Variants in MAGI2 observed in about 807,000 individuals in gnomAD.
MAGI2 encodes membrane-associated guanylate kinase, WW and PDZ domain-containing protein 2.
A neutral mutation model predicts 133.3 loss-of-function variants in MAGI2; 35 were observed. That is an observed-to-expected ratio of 0.26 (90% CI 0.20 to 0.35). The LOEUF (loss-of-function observed/expected upper bound fraction) is 0.35. MAGI2 is among the 10% of genes least tolerant of loss of function. MAGI2 has a pLI of 1.00. For missense variants in MAGI2, 1,636 were observed against 1,863.4 expected (o/e 0.88, Z 2.25); for synonymous variants, 729 against 710.6 (o/e 1.03, Z -0.41).
At chr7:79,231,721 C>T (rs1283841402) in intron 1 of MAGI2, among the ~76,000 whole-genome samples, 3 of 135,844 alleles carry the variant, frequency 2.2e-5, no homozygotes, top group Non-Finnish European at 4.9e-5. Context: ...TCTAGATATA[C>T]AATCATGTCG....
intron 9 of MAGI2, among the ~76,000 whole-genome samples, chr7:78,264,237 TGAACCTA>T (rs980088766): frequency 6.6e-6 from 1 of 152,172 alleles, no homozygotes; most frequent in Non-Finnish European, 1.5e-5. Flanking sequence ...CATGGGAAAC[TGAACCTA>T]GAAGAAGTTA....
intron 2 of MAGI2, among the ~76,000 whole-genome samples, chr7:78,851,719 C>A (rs1269802111): frequency 6.6e-6 from 1 of 152,074 alleles, no homozygotes; most frequent in Non-Finnish European, 1.5e-5. Context: ...AATATTATGT[C>A]TGAGATCCAT....
chr7:78,191,613 G>T (rs1828221233), intron 12 of MAGI2, among the ~76,000 whole-genome samples: 1 of 152,106 alleles, frequency 6.6e-6, no homozygotes. Flanking sequence ...GCCACCTCTG[G>T]GCACTGAGCC....
At chr7:78,335,240 C>T (rs941357253) in intron 9 of MAGI2, among the ~76,000 whole-genome samples, 3 of 152,132 alleles carry the variant, frequency 2.0e-5, no homozygotes, top group Non-Finnish European at 4.4e-5. Flanking sequence ...CTCCACGGAA[C>T]CCCAGAAGGG....
intron 6 of MAGI2, among the ~76,000 whole-genome samples, chr7:78,397,305 A>G (rs1796434180): frequency 6.6e-6 from 1 of 151,802 alleles, no homozygotes; most frequent in Non-Finnish European, 1.5e-5. Context: ...CACTGGCGTC[A>G]AGGTGGCCAG....
chr7:78,865,334 T>G (rs998565665), intron 2 of MAGI2, among the ~76,000 whole-genome samples: 7 of 151,784 alleles, frequency 4.6e-5, no homozygotes, highest in African/African-American at 1.5e-4. Context: ...TTAAGAAGAG[T>G]GCTTTGTGAG....
chr7:79,331,594 A>G (rs569416261), intron 1 of MAGI2, among the ~76,000 whole-genome samples: 16 of 152,302 alleles, frequency 1.1e-4, no homozygotes, highest in South Asian at 2.1e-4. Context: ...CAAAATAGTC[A>G]TAACCATAAT....
At chr7:78,688,564 C>G (rs994563705) in intron 2 of MAGI2, among the ~76,000 whole-genome samples, 2 of 152,190 alleles carry the variant, frequency 1.3e-5, no homozygotes, top group Non-Finnish European at 2.9e-5. Flanking sequence ...GACCTTTTAT[C>G]TCTACTGAAA....
chr7:78,654,354 A>G (rs1273327295), intron 2 of MAGI2, among the ~76,000 whole-genome samples: 1 of 152,134 alleles, frequency 6.6e-6, no homozygotes, highest in Admixed American at 6.5e-5. Context: ...CACACAGTGA[A>G]TATTATTTAA....
At chr7:78,804,158 C>T (rs1199184810) in intron 2 of MAGI2, among the ~76,000 whole-genome samples, 1 of 152,270 alleles carries the variant, frequency 6.6e-6, no homozygotes, top group Admixed American at 6.5e-5. Context: ...CAGACAAGTA[C>T]TACGTTTTCC....
At chr7:78,740,367 G>T (rs1174372348) in intron 2 of MAGI2, among the ~76,000 whole-genome samples, 1 of 152,070 alleles carries the variant, frequency 6.6e-6, no homozygotes, top group Non-Finnish European at 1.5e-5. Context: ...AGCAAAGTAG[G>T]TTATCAGTAA....
chr7:78,978,669 G>T (rs1173264259), intron 2 of MAGI2, among the ~76,000 whole-genome samples: 1 of 151,820 alleles, frequency 6.6e-6, no homozygotes, highest in African/African-American at 2.4e-5. Flanking sequence ...TAGGTCAGAG[G>T]ATCATAGGAC....
chr7:78,863,322 T>C lies in MAGI2; in HGVS notation c.418+143768A>G, dbSNP rs575204584. 3.9e-5 allele frequency among the ~76,000 whole-genome samples: 6 copies of C among 152,326 alleles called. No individual in the cohort carries two copies. The South Asian group carries it at 1.2e-3, about 32-fold the overall frequency. ...AGGAGTTTATTTAGCTTATGACTTT[T>C]CTGGCTGAAAAATTGTGCATCTGGT... On this transcript the variant is annotated intron_variant, in intron 2 of 21. Transcript: ENST00000354212.
intron 1 of MAGI2, among the ~76,000 whole-genome samples, chr7:79,401,048 AT>A (rs1300712711): frequency 6.6e-6 from 1 of 152,130 alleles, no homozygotes; most frequent in Non-Finnish European, 1.5e-5. Flanking sequence ...ATCAGAGGAT[AT>A]TTTTATTATA....
chr7:78,590,054 A>G (rs750712633), intron 3 of MAGI2, among the ~76,000 whole-genome samples: 1 of 152,224 alleles, frequency 6.6e-6, no homozygotes, highest in Non-Finnish European at 1.5e-5. Flanking sequence ...CCCTAAAGCA[A>G]TGATGAACAA....
intron 1 of MAGI2, among the ~76,000 whole-genome samples, chr7:79,100,943 A>C (rs746753476): frequency 6.6e-6 from 1 of 151,980 alleles, no homozygotes; most frequent in African/African-American, 2.4e-5. Context: ...TCTTTTTCCT[A>C]CTGAGATAAA....
chr7:78,375,841 T>C (rs750989008), intron 6 of MAGI2, among the ~76,000 whole-genome samples: 4 of 152,168 alleles, frequency 2.6e-5, no homozygotes, highest in Non-Finnish European at 5.9e-5. Flanking sequence ...CTTTAGGAGT[T>C]TGAGGAATCC....
intron 6 of MAGI2, among the ~76,000 whole-genome samples, chr7:78,455,563 A>G (rs1408886405): frequency 2.0e-5 from 3 of 152,180 alleles, no homozygotes; most frequent in Non-Finnish European, 4.4e-5. Flanking sequence ...ACCCACAAAA[A>G]TATCCTGAAA....
chr7:78,241,687 C>T (rs1443201227), intron 10 of MAGI2, among the ~76,000 whole-genome samples: 1 of 152,136 alleles, frequency 6.6e-6, no homozygotes, highest in Non-Finnish European at 1.5e-5. Flanking sequence ...AATCCCTACA[C>T]TTTGGGAGGG....
Sources: gnomAD v4.1 joint callset for allele counts (sites outside exome capture counted in the v4.1 genomes callset) on GRCh38, gnomAD v4.1.1 for gene constraint, MANE v1.5 for transcripts, NCBI Gene and HGNC (gene_info 2026-07-23, HGNC 2026-07-21) for gene names.